The following COL11A1 variants were observed in gnomAD, a reference collection of about 807,000 sequenced individuals.
COL11A1 encodes collagen type XI alpha 1 chain.
In COL11A1, 74 loss-of-function variants were observed where a neutral mutation model predicts 265.2. The observed-to-expected ratio is 0.28, with a 90% CI of 0.23 to 0.34. The LOEUF (loss-of-function observed/expected upper bound fraction) is 0.34. Among genes scored for constraint, COL11A1 ranks in the 10% least tolerant of loss-of-function variants. COL11A1 has a pLI of 1.00. For synonymous variants in COL11A1, 816 were observed against 727.6 expected (o/e 1.12, Z -1.96); for missense variants, 2,165 against 2,263.6 (o/e 0.96, Z 0.88).
At chr1:103,017,703 C>G (rs574484811) in intron 11 of COL11A1, 117 bp downstream of exon 11, 1 of 862,716 alleles carries the variant, frequency 1.2e-6, no homozygotes, top group South Asian at 1.3e-5. Flanking sequence ...TGAATTCATG[C>G]TGCCTTTACC....
chr1:102,962,539 T>A, intron 39 of COL11A1, 114 bp downstream of exon 39: 2 of 951,834 alleles, frequency 2.1e-6, no homozygotes, highest in Non-Finnish European at 3.4e-6. Context: ...ATTAAATATT[T>A]TCCTGACACA....
chr1:103,106,815 C>T (rs758032254), intron 1 of COL11A1, among the ~76,000 whole-genome samples: 5 of 152,130 alleles, frequency 3.3e-5, no homozygotes, highest in Non-Finnish European at 1.5e-5. Flanking sequence ...TCTCAGAGAT[C>T]GGCCTCCGGG....
At chr1:102,963,350 C>T (rs959740726) in intron 38 of COL11A1, among the ~76,000 whole-genome samples, 3 of 152,134 alleles carry the variant, frequency 2.0e-5, no homozygotes, top group African/African-American at 7.2e-5. Flanking sequence ...TTCCTCTCGG[C>T]CAAAGGCTGT....
At chr1:103,028,867 A>C (rs1667764884) in intron 5 of COL11A1, among the ~76,000 whole-genome samples, 1 of 152,170 alleles carries the variant, frequency 6.6e-6, no homozygotes, top group South Asian at 2.1e-4. Flanking sequence ...TATCAAAAGG[A>C]ATCATATAGA....
intron 13 of COL11A1, among the ~76,000 whole-genome samples, 197 bp from the exon 14 acceptor site, chr1:103,012,666 A>T (rs549952821): frequency 1.3e-5 from 2 of 152,232 alleles, no homozygotes; most frequent in East Asian, 1.9e-4. Flanking sequence ...CAGACATTTT[A>T]AAAACTTTTT....
chr1:102,957,283 T>C (rs889821333), intron 41 of COL11A1, among the ~76,000 whole-genome samples: 21 of 152,082 alleles, frequency 1.4e-4, no homozygotes, highest in Non-Finnish European at 2.7e-4. Context: ...ATATTTGTTC[T>C]TTTTGCAGAT....
At chr1:102,964,462 T>C (rs897472026) in intron 38 of COL11A1, among the ~76,000 whole-genome samples, 3 of 152,286 alleles carry the variant, frequency 2.0e-5, no homozygotes, top group African/African-American at 7.2e-5. Flanking sequence ...TAAAATAACA[T>C]CGTATTTCCC....
At chr1:103,098,205 C>A (rs371681928) in intron 1 of COL11A1, among the ~76,000 whole-genome samples, 3 of 151,876 alleles carry the variant, frequency 2.0e-5, no homozygotes, top group Non-Finnish European at 4.4e-5. Flanking sequence ...AAAGCATTTT[C>A]TATATTGTAA....
chr1:103,043,257 A>G (rs890789402), intron 4 of COL11A1, among the ~76,000 whole-genome samples: 6 of 148,614 alleles, frequency 4.0e-5, no homozygotes, highest in Non-Finnish European at 4.5e-5. Context: ...TATATATGAA[A>G]TATATATTTT....
At chr1:102,904,611 A>G (rs533511085) in intron 54 of COL11A1, among the ~76,000 whole-genome samples, 25 of 151,982 alleles carry the variant, frequency 1.6e-4, no homozygotes, top group African/African-American at 5.8e-4. Context: ...GCAGCCAAAA[A>G]ACACATGAAA....
chr1:103,091,732 G>T lies in COL11A1; in HGVS notation c.107-8760C>A, dbSNP rs192602099. Among the ~76,000 whole-genome samples the T allele has an allele frequency of 1.4e-3, 216 of 151,932 alleles. 1 individual carries two copies. The highest frequency in any genetic ancestry group is 5.0e-3 in the African/African-American group (207 of 41,488). ...TCCACATATACACTAATATACACACGAATACTATAAATAAACAAATGTTGG... is the reference window on the plus strand; with the variant it reads ...TCCACATATACACTAATATACACACTAATACTATAAATAAACAAATGTTGG... On this transcript the variant is annotated intron_variant, in intron 1 of 66. Transcript: ENST00000370096.
At chr1:102,921,473 C>A (rs773771183) in intron 48 of COL11A1, 45 bp downstream of exon 48, 3 of 1,425,602 alleles carry the variant, frequency 2.1e-6, no homozygotes, top group Non-Finnish European at 9.9e-7. Flanking sequence ...AATAACAATA[C>A]CTATATAACT....
At chr1:103,000,298 A>T (rs193000203) in intron 24 of COL11A1, among the ~76,000 whole-genome samples, 1 of 152,054 alleles carries the variant, frequency 6.6e-6, no homozygotes, top group Non-Finnish European at 1.5e-5. Flanking sequence ...AGAACCTAAC[A>T]TAACTAATAG....
intron 37 of COL11A1, among the ~76,000 whole-genome samples, chr1:102,967,247 T>TTTTA (rs1201756776): frequency 8.9e-6 from 1 of 112,860 alleles, no homozygotes; most frequent in African/African-American, 3.3e-5. Context: ...TTTTTTTTTT[T>TTTTA]TTTTTTTTTT....
In COL11A1 at chr1:103,078,767, T is replaced by C. The variant is rs774983366; in HGVS notation, c.379A>G (p.Ile127Val). 6.2e-7 allele frequency: 1 copy of C among 1,613,326 alleles called. No individual in the cohort carries two copies. The highest frequency in any genetic ancestry group is 8.5e-7 in the Non-Finnish European group (1 of 1,179,552). ...SIYNEHGIQQ[I>V]GVEVGRSPVF... ...GGTGATCTCCCAACCTCAACACCAA[T>C]TTGCTGAATACCATGCTCATTATAT... Residue 127 changes from isoleucine to valine, a missense_variant, in exon 3 of 67, where the codon ATT becomes GTT. Physicochemically the swap from Ile to Val is conservative, Grantham distance 29. Coordinates refer to ENST00000370096, the MANE Select transcript of COL11A1 (RefSeq NM_001854.4).
At chr1:102,959,017 T>A (rs1660635238) in intron 41 of COL11A1, among the ~76,000 whole-genome samples, 3 of 152,148 alleles carry the variant, frequency 2.0e-5, no homozygotes, top group Admixed American at 1.3e-4. Context: ...CCCTCCGTGT[T>A]TGCTACATCT....
intron 1 of COL11A1, among the ~76,000 whole-genome samples, chr1:103,087,820 C>T (rs1672998257): frequency 6.6e-6 from 1 of 152,174 alleles, no homozygotes; most frequent in Non-Finnish European, 1.5e-5. Context: ...TTTGCCTTGT[C>T]TTTGCCAATT....
chr1:102,961,826 C>T, intron 41 of COL11A1, 40 bp downstream of exon 41: 1 of 1,581,860 alleles, frequency 6.3e-7, no homozygotes, highest in Non-Finnish European at 8.7e-7. Context: ...CTGTAATTCA[C>T]AACCATGATT....
intron 30 of COL11A1, 71 bp downstream of exon 30, chr1:102,987,562 T>C (rs545623514): frequency 3.4e-6 from 4 of 1,160,014 alleles, no homozygotes; most frequent in African/African-American, 3.0e-5. Flanking sequence ...ACACCAGTTA[T>C]TGAAAGAAAT....
Sources: allele counts gnomAD v4.1 joint callset (sites outside exome capture counted in the v4.1 genomes callset), GRCh38; gene constraint gnomAD v4.1.1; transcripts MANE v1.5; gene names NCBI Gene and HGNC (gene_info 2026-07-23, HGNC 2026-07-21).